KCNH1: variants seen among roughly 807,000 people sequenced by gnomAD.
The protein encoded by KCNH1 is potassium voltage-gated channel subfamily H member 1.
In KCNH1, 27 loss-of-function variants were observed where a neutral mutation model predicts 69.2. That is an observed-to-expected ratio of 0.39 (90% CI 0.29 to 0.54). The LOEUF (loss-of-function observed/expected upper bound fraction) is 0.54, where lower values mean the gene tolerates loss of function less well. KCNH1 is among the 20% of genes least tolerant of loss of function. The pLI is 0.68. For synonymous variants in KCNH1, 456 were observed against 487.7 expected (o/e 0.93, Z 0.86); for missense variants, 798 against 1,261.6 (o/e 0.63, Z 5.57).
chr1:210,827,351 G>GAA (rs35818198), intron 7 of KCNH1, among the ~76,000 whole-genome samples: 3 of 151,526 alleles, frequency 2.0e-5, no homozygotes, highest in South Asian at 2.1e-4. Flanking sequence ...AAAAGAAAAA[G>GAA]AAAAAAAAGA....
intron 6 of KCNH1, among the ~76,000 whole-genome samples, chr1:211,018,416 A>G (rs192261172): frequency 7.9e-5 from 12 of 152,380 alleles, no homozygotes; most frequent in African/African-American, 2.6e-4. Context: ...AGATAAAAGA[A>G]AAGTCTGCAT....
At chr1:211,062,402 G>T (rs1690448007) in intron 5 of KCNH1, among the ~76,000 whole-genome samples, 2 of 152,076 alleles carry the variant, frequency 1.3e-5, no homozygotes, top group South Asian at 4.1e-4. Flanking sequence ...ACATTGGACT[G>T]GGCAAAGATT....
At chr1:211,082,494 C>T (rs1690875930) in intron 5 of KCNH1, among the ~76,000 whole-genome samples, 1 of 152,148 alleles carries the variant, frequency 6.6e-6, no homozygotes, top group African/African-American at 2.4e-5. Flanking sequence ...CCTTCATGTA[C>T]ATGAAGCACT....
rs138590382 is a variant in KCNH1 at position 211,075,189 on chromosome 1, C to T, written c.558+7591G>A. On this transcript the variant is annotated intron_variant, in intron 5 of 10. Transcript: ENST00000271751. The stretch of plus-strand genomic sequence containing the variant: ...TGAGTTGAAAGGTCTCCTTTAGTAT[C>T]CTTTCTATCATCAGCCAAGCCCACA... Among the ~76,000 whole-genome samples, 685 of 152,264 alleles carry T rather than the reference C, an allele frequency of 4.5e-3. 3 individuals are homozygous for T. The highest frequency in any genetic ancestry group is 4.9e-3 in the Non-Finnish European group (335 of 68,026).
intron 1 of KCNH1, among the ~76,000 whole-genome samples, chr1:211,111,224 C>G (rs1181028182): frequency 3.3e-5 from 5 of 152,184 alleles, no homozygotes; most frequent in Admixed American, 2.0e-4. Flanking sequence ...TTTATCCTTT[C>G]GTAAGCATAC....
At position 210,925,804 on chromosome 1, in the gene KCNH1, C is replaced by A. The variant is rs116752057; in HGVS notation, c.1033-5735G>T. On this transcript the variant is annotated intron_variant, in intron 6 of 10. Transcript: ENST00000271751. ...GTCTTTCTCTACCAGCCCTGGTAAC[C>A]AAAGGTCATAATCTCTTGGGAGCCT... 4.6e-3 allele frequency among the ~76,000 whole-genome samples: 702 copies of A among 152,304 alleles called. 7 individuals carry two copies. The highest frequency in any genetic ancestry group is 0.016 in the African/African-American group (676 of 41,572).
chr1:210,848,666 C>A (rs1215848924), intron 7 of KCNH1, among the ~76,000 whole-genome samples: 1 of 152,208 alleles, frequency 6.6e-6, no homozygotes, highest in Non-Finnish European at 1.5e-5. Flanking sequence ...AAGATAGAAT[C>A]TTGGTCACGT....
intron 8 of KCNH1, among the ~76,000 whole-genome samples, chr1:210,799,667 C>A (rs991467973): frequency 6.6e-6 from 1 of 152,206 alleles, no homozygotes; most frequent in African/African-American, 2.4e-5. Flanking sequence ...AGCTTATGAG[C>A]AAAGCTAGGG....
At chr1:210,876,607 C>T (rs1241229451) in intron 7 of KCNH1, among the ~76,000 whole-genome samples, 1 of 152,090 alleles carries the variant, frequency 6.6e-6, no homozygotes, top group East Asian at 1.9e-4. Context: ...CAGAGGTCCC[C>T]TGAGGTTCTT....
At chr1:210,908,312 A>G (rs1349547006) in intron 7 of KCNH1, among the ~76,000 whole-genome samples, 1 of 152,242 alleles carries the variant, frequency 6.6e-6, no homozygotes, top group Non-Finnish European at 1.5e-5. Flanking sequence ...TACATTCAAC[A>G]AAGTGTTCAG....
At chr1:211,123,939 AG>A (rs1344169041) in intron 1 of KCNH1, among the ~76,000 whole-genome samples, 1 of 152,100 alleles carries the variant, frequency 6.6e-6, no homozygotes, top group Non-Finnish European at 1.5e-5. Flanking sequence ...GCTGGAGGGG[AG>A]GAGACATTTT....
At position 210,775,544 on chromosome 1, in the gene KCNH1, C is replaced by T. The variant is rs977733098; in HGVS notation, c.1916G>A (p.Gly639Glu). Residue 639 changes from glycine (G) to glutamate (E), a missense_variant and splice_region_variant, in exon 10 of 11, where the codon GGA becomes GAA. Coordinates refer to ENST00000271751, the MANE Select transcript of KCNH1 (RefSeq NM_172362.3). ...IQDDEVVAILGKGDVFGDVFW... is the reference protein window; with the variant it reads ...IQDDEVVAILEKGDVFGDVFW... ...CACATCTCCAAACACGTCTCCTTTTCCTAAGGAGAGAAGGTTGTCATGAGG... is the reference window on the plus strand; with the variant it reads ...CACATCTCCAAACACGTCTCCTTTTTCTAAGGAGAGAAGGTTGTCATGAGG... The T allele has an allele frequency of 5.0e-6, 8 of 1,612,070 alleles. No homozygotes were observed. Among genetic ancestry groups the T allele is most frequent in the Non-Finnish European group, 6.8e-6 (8 of 1,178,612 alleles).
chr1:211,055,155 C>T (rs183418872), intron 5 of KCNH1, among the ~76,000 whole-genome samples: 15 of 152,270 alleles, frequency 9.9e-5, no homozygotes, highest in Admixed American at 9.2e-4. Flanking sequence ...TAAAAAGGCA[C>T]TGAAAAGGGT....
intron 7 of KCNH1, among the ~76,000 whole-genome samples, chr1:210,843,969 AT>A (rs1385551718): frequency 6.6e-6 from 1 of 152,074 alleles, no homozygotes; most frequent in East Asian, 1.9e-4. Flanking sequence ...TCAACTAATA[AT>A]TTTTTCCCAA....
chr1:211,117,971 A>C (rs191743071), intron 1 of KCNH1, among the ~76,000 whole-genome samples: 1 of 152,312 alleles, frequency 6.6e-6, no homozygotes, highest in Non-Finnish European at 1.5e-5. Context: ...AGCCTGGGTC[A>C]TTTCAAAAAC....
intron 10 of KCNH1, among the ~76,000 whole-genome samples, chr1:210,751,085 A>C (rs1472399426): frequency 6.6e-6 from 1 of 152,142 alleles, no homozygotes; most frequent in Non-Finnish European, 1.5e-5. Context: ...TTTCTGGAGG[A>C]GGCATCTTTG....
intron 6 of KCNH1, among the ~76,000 whole-genome samples, chr1:211,003,730 T>G (rs2102402713): frequency 6.6e-6 from 1 of 152,172 alleles, no homozygotes; most frequent in South Asian, 2.1e-4. Context: ...GGACAACAAT[T>G]AAACTAAGAG....
chr1:211,023,007 A>G (rs1689614637), intron 5 of KCNH1, among the ~76,000 whole-genome samples: 1 of 152,020 alleles, frequency 6.6e-6, no homozygotes, highest in South Asian at 2.1e-4. Flanking sequence ...GCTACTCAGG[A>G]GGCTGAGGCA....
intron 6 of KCNH1, among the ~76,000 whole-genome samples, chr1:210,968,202 A>G (rs556039849): frequency 7.1e-6 from 1 of 140,228 alleles, no homozygotes; most frequent in Non-Finnish European, 1.5e-5. Context: ...TGAACTCATC[A>G]TTTTTTATGG....
Sources: allele counts gnomAD v4.1 joint callset (sites outside exome capture counted in the v4.1 genomes callset), GRCh38; gene constraint gnomAD v4.1.1; transcripts MANE v1.5; gene names NCBI Gene and HGNC (gene_info 2026-07-23, HGNC 2026-07-21).